Variants in PTPRD observed in about 807,000 individuals in gnomAD.
PTPRD encodes receptor-type tyrosine-protein phosphatase delta.
PTPRD carries 34 observed loss-of-function variants against 214.5 expected under a neutral mutation model. The observed-to-expected ratio is 0.16, with a 90% CI of 0.12 to 0.21. The LOEUF is 0.21. Among genes scored for constraint, PTPRD ranks in the 10% least tolerant of loss-of-function variants. PTPRD has a pLI of 1.00. For missense variants in PTPRD, 2,545 were observed against 2,398.7 expected (o/e 1.06, Z -1.27); for synonymous variants, 1,128 against 845.7 (o/e 1.33, Z -5.79).
intron 10 of PTPRD, among the ~76,000 whole-genome samples, chr9:9,068,658 C>T (rs1417051739): frequency 6.6e-6 from 1 of 152,128 alleles, no homozygotes; most frequent in South Asian, 2.1e-4. Context: ...TGTCCCCAGG[C>T]TGGAGTGCAG....
At chr9:8,622,402 A>G (rs1215300841) in intron 14 of PTPRD, among the ~76,000 whole-genome samples, 1 of 152,002 alleles carries the variant, frequency 6.6e-6, no homozygotes, top group Non-Finnish European at 1.5e-5. Flanking sequence ...TATTGATGGA[A>G]TATTCAAGGA....
chr9:10,320,277 G>A (rs1460291349), intron 3 of PTPRD, among the ~76,000 whole-genome samples: 1 of 151,992 alleles, frequency 6.6e-6, no homozygotes, highest in Non-Finnish European at 1.5e-5. Context: ...TAATGTCTCA[G>A]ACTTGCTTAA....
chr9:8,397,097 T>C (rs572743619), intron 36 of PTPRD, among the ~76,000 whole-genome samples: 2 of 152,132 alleles, frequency 1.3e-5, no homozygotes, highest in African/African-American at 2.4e-5. Flanking sequence ...ACTCAACAAA[T>C]AATTGGACAG....
intron 14 of PTPRD, among the ~76,000 whole-genome samples, chr9:8,557,703 ACTGCATTCCAGC>A (rs2084436741): frequency 6.9e-6 from 1 of 144,514 alleles, no homozygotes; most frequent in South Asian, 2.2e-4. Flanking sequence ...AGATCACGCT[ACTGCATTCCAGC>A]CTGGGTGACA....
chr9:8,702,691 G>A (rs993931933), intron 12 of PTPRD, among the ~76,000 whole-genome samples: 4 of 152,134 alleles, frequency 2.6e-5, no homozygotes, highest in Non-Finnish European at 5.9e-5. Context: ...TCGGCTCACT[G>A]CAACCTCCCG....
chr9:9,912,093 G>C (rs1455129584), intron 5 of PTPRD, among the ~76,000 whole-genome samples: 2 of 151,952 alleles, frequency 1.3e-5, no homozygotes, highest in Middle Eastern at 3.2e-3. Flanking sequence ...TTGTAAGTGG[G>C]GGAAAAATAC....
At chr9:9,026,187 G>A (rs183451862) in intron 10 of PTPRD, among the ~76,000 whole-genome samples, 2 of 152,004 alleles carry the variant, frequency 1.3e-5, no homozygotes, top group Non-Finnish European at 2.9e-5. Flanking sequence ...GAACAGCCAT[G>A]CCACAAGGAA....
chr9:10,085,899 A>G (rs1451533959), intron 3 of PTPRD, among the ~76,000 whole-genome samples: 1 of 151,772 alleles, frequency 6.6e-6, no homozygotes, highest in Non-Finnish European at 1.5e-5. Context: ...TGCCAACCCT[A>G]CTCTATGAAA....
chr9:9,932,221 G>A (rs1483246426), intron 5 of PTPRD, among the ~76,000 whole-genome samples: 1 of 151,262 alleles, frequency 6.6e-6, no homozygotes, highest in Non-Finnish European at 1.5e-5. Flanking sequence ...AACAAAGCTG[G>A]ATGGAGAATA....
At chr9:10,391,885 C>A (rs914119407) in intron 2 of PTPRD, among the ~76,000 whole-genome samples, 5 of 151,786 alleles carry the variant, frequency 3.3e-5, no homozygotes, top group African/African-American at 1.2e-4. Flanking sequence ...TGGGTTTCTG[C>A]ACTTGCTATA....
intron 8 of PTPRD, among the ~76,000 whole-genome samples, chr9:9,447,123 A>G (rs2090687996): frequency 1.3e-5 from 2 of 152,128 alleles, no homozygotes; most frequent in African/African-American, 2.4e-5. Context: ...CTCAAAGACC[A>G]AAAATCGGAA....
intron 5 of PTPRD, among the ~76,000 whole-genome samples, chr9:9,817,977 G>T (rs2049327652): frequency 6.6e-6 from 1 of 152,084 alleles, no homozygotes; most frequent in Admixed American, 6.6e-5. Flanking sequence ...GATCTCCTGA[G>T]GGACTTTCTT....
intron 3 of PTPRD, among the ~76,000 whole-genome samples, chr9:10,086,506 G>T (rs763833176): frequency 2.0e-5 from 3 of 151,774 alleles, no homozygotes; most frequent in Non-Finnish European, 4.4e-5. Flanking sequence ...AGATAGGTCT[G>T]TGCTTGACTT....
At chr9:10,521,755 T>C (rs1566712170) in intron 2 of PTPRD, among the ~76,000 whole-genome samples, 1 of 152,182 alleles carries the variant, frequency 6.6e-6, no homozygotes, top group Non-Finnish European at 1.5e-5. Flanking sequence ...ACTGATGGGA[T>C]AGATGACTGT....
intron 3 of PTPRD, among the ~76,000 whole-genome samples, chr9:10,298,323 A>G (rs1039942899): frequency 2.0e-5 from 3 of 152,134 alleles, no homozygotes; most frequent in Admixed American, 2.0e-4. Context: ...TATATTGTAA[A>G]AGATCCATTA....
rs185414219 is a variant in PTPRD at position 8,497,332 on chromosome 9, T to C, written c.2323-64A>G. On this transcript the variant is annotated intron_variant, in intron 25 of 45. Transcript: ENST00000381196. ...AAAAGAAAAAGAATTTAAAGCCTTA[T>C]ACAGGCAGTGTTGCCCTTGTTAGAT... 3.8e-4 allele frequency: 534 copies of C among 1,392,014 alleles called. 2 individuals are homozygous for C. In the African/African-American group the frequency reaches 7.4e-3, roughly 19 times the overall value. 86.2% of individuals were successfully genotyped at this position (1,392,014 alleles called of 1,614,324 possible). A position where few individuals can be genotyped will look rare whatever the true frequency, so the allele number is the denominator to read the frequency against.
chr9:9,957,143 A>G (rs1587248771), intron 4 of PTPRD, among the ~76,000 whole-genome samples: 1 of 152,224 alleles, frequency 6.6e-6, no homozygotes, highest in East Asian at 1.9e-4. Context: ...TCCACAAAAA[A>G]TAAATCCCAT....
At chr9:8,955,088 G>T (rs1475622659) in intron 11 of PTPRD, among the ~76,000 whole-genome samples, 1 of 151,856 alleles carries the variant, frequency 6.6e-6, no homozygotes, top group Non-Finnish European at 1.5e-5. Context: ...TAAGATTAAA[G>T]AGTTTACATT....
At chr9:10,384,794 C>T (rs2097885822) in intron 2 of PTPRD, among the ~76,000 whole-genome samples, 1 of 150,824 alleles carries the variant, frequency 6.6e-6, no homozygotes, top group Non-Finnish European at 1.5e-5. Flanking sequence ...CCTTCTCCAT[C>T]TTAAAGAGGT....
Sources: allele counts gnomAD v4.1 joint callset (sites outside exome capture counted in the v4.1 genomes callset), GRCh38; gene constraint gnomAD v4.1.1; transcripts MANE v1.5; gene names NCBI Gene and HGNC (gene_info 2026-07-23, HGNC 2026-07-21).